Variants in RWDD1 observed in about 807,000 individuals in gnomAD.
The protein encoded by RWDD1 is RWD domain containing 1.
In RWDD1, 17 loss-of-function variants were observed where a neutral mutation model predicts 31.6. That is an observed-to-expected ratio of 0.54 (90% CI 0.37 to 0.81). The LOEUF (loss-of-function observed/expected upper bound fraction) is 0.81, where lower values mean the gene tolerates loss of function less well. Ranked by LOEUF, RWDD1 falls within the 30% of genes least tolerant of loss-of-function variation. The pLI is 0.00. For synonymous variants in RWDD1, 78 were observed against 94.2 expected (o/e 0.83, Z 0.99); for missense variants, 204 against 274.5 (o/e 0.74, Z 1.82).
intron 1 of RWDD1, among the ~76,000 whole-genome samples, chr6:116,574,444 C>T (rs1774798264): frequency 6.6e-6 from 1 of 152,152 alleles, no homozygotes; most frequent in Non-Finnish European, 1.5e-5. Context: ...AAAGGTCAGA[C>T]ACTCCCTAAC....
intron 1 of RWDD1, among the ~76,000 whole-genome samples, chr6:116,572,149 G>T (rs931561828): frequency 1.7e-5 from 2 of 120,648 alleles, no homozygotes; most frequent in African/African-American, 3.0e-5. Context: ...AGTCTGTCGG[G>T]TTTCTTTTCT....
intron 2 of RWDD1, among the ~76,000 whole-genome samples, chr6:116,580,735 T>C (rs1430208087): frequency 6.6e-6 from 1 of 152,174 alleles, no homozygotes; most frequent in Non-Finnish European, 1.5e-5. Context: ...TGTTTTTCTC[T>C]TTGAACATTT....
At chr6:116,576,142 G>A (rs1774835346) in intron 1 of RWDD1, among the ~76,000 whole-genome samples, 1 of 152,136 alleles carries the variant, frequency 6.6e-6, no homozygotes, top group Admixed American at 6.6e-5. Context: ...TTTATGTAGT[G>A]TCCTTGGACA....
chr6:116,590,995 T>A (rs1052001481), intron 6 of RWDD1, 45 bp downstream of exon 6: 1 of 1,528,508 alleles, frequency 6.5e-7, no homozygotes, highest in Non-Finnish European at 8.7e-7. Context: ...GCACAGTAGC[T>A]CAAACCTGTA....
At chr6:116,580,440 T>C (rs62424374) in intron 2 of RWDD1, 80 bp downstream of exon 2, 21,184 of 1,044,896 alleles carry the variant, frequency 0.02, 294 homozygotes, top group Non-Finnish European at 0.026. Context: ...ATGCTGGATA[T>C]TGTCATGTGG....
chr6:116,575,774 A>T (rs1234855576), intron 1 of RWDD1, among the ~76,000 whole-genome samples: 1 of 152,204 alleles, frequency 6.6e-6, no homozygotes, highest in Non-Finnish European at 1.5e-5. Context: ...GCTCTCTGTC[A>T]TCCCTAAGAT....
intron 1 of RWDD1, chr6:116,573,073 A>G (rs569451929): frequency 1.2e-6 from 1 of 859,260 alleles, no homozygotes; most frequent in African/African-American, 1.8e-5. Context: ...TGTTGGATAT[A>G]TTCTTAATCA....
chr6:116,577,914 T>C lies in RWDD1; in HGVS notation c.74-2381T>C, dbSNP rs139983525. On this transcript the variant is annotated intron_variant, in intron 1 of 6. Transcript: ENST00000466444. ...TAAGTTCAGCAAATGGAATAATTTC[T>C]TATTCCCTATATATATCTTTAGCTT... is the stretch of plus-strand genomic sequence containing the variant. Among the ~76,000 whole-genome samples, 497 of 152,314 alleles carry C rather than the reference T, an allele frequency of 3.3e-3. 13 individuals carry two copies. The highest frequency in any genetic ancestry group is 0.024 in the Admixed American group (368 of 15,304).
chr6:116,585,658 A>G (rs1291651228), intron 3 of RWDD1, among the ~76,000 whole-genome samples: 1 of 152,184 alleles, frequency 6.6e-6, no homozygotes, highest in African/African-American at 2.4e-5. Flanking sequence ...CATAATGTTG[A>G]TGTTATAGAA....
chr6:116,575,164 G>A (rs1206592886), intron 1 of RWDD1, among the ~76,000 whole-genome samples: 4 of 151,952 alleles, frequency 2.6e-5, no homozygotes, highest in African/African-American at 7.3e-5. Context: ...TTGGGTCACT[G>A]CAACCACCAC....
At position 116,584,900 on chromosome 6, in the gene RWDD1, G is replaced by A. The variant is rs769564568; in HGVS notation, c.270+43G>A. 9 of 1,452,204 alleles carry A rather than the reference G, an allele frequency of 6.2e-6. No individual in the cohort carries two copies. In the East Asian group the frequency reaches 2.1e-4, roughly 33 times the overall value. 90.0% of individuals were successfully genotyped at this position (1,452,204 alleles called of 1,614,324 possible). A position where few individuals can be genotyped will look rare whatever the true frequency, so the allele number is the denominator to read the frequency against. ...TTATGTTTTGTAGCAGCATTTATTG[G>A]CCTTAAATATTACATATTAATTTCA... On this transcript the variant is annotated intron_variant, in intron 3 of 6. Coordinates refer to ENST00000466444, the MANE Select transcript of RWDD1 (RefSeq NM_015952.4).
intron 4 of RWDD1, 23 bp downstream of exon 4, chr6:116,589,008 CT>C (rs1022836248): frequency 7.9e-7 from 1 of 1,258,386 alleles, no homozygotes; most frequent in Non-Finnish European, 1.0e-6. Context: ...GCCTTGTTTT[CT>C]TTTATTATTT....
intron 1 of RWDD1, chr6:116,572,774 T>A (rs958195368): frequency 2.3e-6 from 2 of 869,392 alleles, no homozygotes; most frequent in Non-Finnish European, 2.8e-6. Flanking sequence ...CCCTCTCCCT[T>A]TCATTGTTTA....
At chr6:116,577,169 G>A (rs994778362) in intron 1 of RWDD1, among the ~76,000 whole-genome samples, 7 of 152,226 alleles carry the variant, frequency 4.6e-5, no homozygotes, top group African/African-American at 1.4e-4. Flanking sequence ...AACTGCTGCT[G>A]TAAGCAGGTA....
chr6:116,593,186 T>C lies in RWDD1; in HGVS notation c.*85T>C. The stretch of plus-strand genomic sequence containing the variant: ...GGGTTATGATTTTCCTTTCTTTTTT[T>C]CTAAGAAAAAATTATTTTCAGGAGA... On this transcript the variant is annotated 3_prime_UTR_variant, in exon 7 of 7. Coordinates refer to ENST00000466444, the MANE Select transcript of RWDD1 (RefSeq NM_015952.4). The C allele has an allele frequency of 1.5e-6, 2 of 1,325,884 alleles. No individual in the cohort carries two copies. Among genetic ancestry groups the C allele is most frequent in the Non-Finnish European group, 2.0e-6 (2 of 993,380 alleles). The allele number at this position is 1,325,884 out of a possible 1,614,324, so 82.1% of individuals were successfully genotyped here.
In RWDD1 at chr6:116,584,639, C is replaced by G. The variant is rs554336313; in HGVS notation, c.140-88C>G. 43 of 1,168,596 alleles carry G rather than the reference C, an allele frequency of 3.7e-5. 1 individual carries two copies. Among genetic ancestry groups the G allele is most frequent in the African/African-American group, 4.7e-5 (3 of 64,356 alleles). 72.4% of individuals were successfully genotyped at this position (1,168,596 alleles called of 1,614,324 possible). ...ATAACCTTTTTCTTTGTAGGAAAAT[C>G]TATTGTGCTACTTTCTACTGATTCA... On this transcript the variant is annotated intron_variant, in intron 2 of 6. Transcript: ENST00000466444.
chr6:116,580,386 G>T (rs1774927580), intron 2 of RWDD1, 26 bp downstream of exon 2: 1 of 1,536,076 alleles, frequency 6.5e-7, no homozygotes, highest in Non-Finnish European at 8.9e-7. Context: ...AATACTTGTG[G>T]TTTTTCTAAA....
In RWDD1 at chr6:116,593,060, G is replaced by T; in HGVS notation, c.691G>T (p.Asp231Tyr). The T allele has an allele frequency of 6.2e-7, 1 of 1,613,804 alleles. No homozygotes were observed. The highest frequency in any genetic ancestry group is 1.1e-5 in the South Asian group (1 of 91,068). ...LELEDDEDDPDYNPADPESDS... is the reference protein window; with the variant it reads ...LELEDDEDDPYYNPADPESDS... ...GCTGGAGGATGATGAAGATGATCCA[G>T]ACTATAATCCTGCTGACCCAGAGAG... Residue 231 changes from aspartate (D) to tyrosine (Y), a missense_variant, in exon 7 of 7, where the codon GAC (aspartate) becomes TAC (tyrosine). Asp to Tyr is a radical substitution (Grantham distance 160). Transcript: ENST00000466444.
Position 116,588,825 on chromosome 6 carries a change from C to T in RWDD1, c.271-17C>T. Reference sequence around the variant, plus strand: ...TTTTCTGAGAGTTATTCCTCATCACCTTTTTGTGTTACACAGGCTGAAGAA... The same window carrying T: ...TTTTCTGAGAGTTATTCCTCATCACTTTTTTGTGTTACACAGGCTGAAGAA... On this transcript the variant is annotated splice_polypyrimidine_tract_variant and intron_variant, in intron 3 of 6. Transcript: ENST00000466444. 1 of 1,511,620 alleles carries T rather than the reference C, an allele frequency of 6.6e-7. No homozygotes were observed. The highest frequency in any genetic ancestry group is 8.8e-7 in the Non-Finnish European group (1 of 1,139,874). The allele number at this position is 1,511,620 out of a possible 1,614,324, so 93.6% of individuals were successfully genotyped here.
Sources: gnomAD v4.1 joint callset for allele counts (sites outside exome capture counted in the v4.1 genomes callset) on GRCh38, gnomAD v4.1.1 for gene constraint, MANE v1.5 for transcripts, NCBI Gene and HGNC (gene_info 2026-07-23, HGNC 2026-07-21) for gene names.